IL31RA: variants seen among roughly 807,000 people sequenced by gnomAD.
The protein encoded by IL31RA is interleukin-31 receptor subunit alpha.
Under a neutral mutation model 83.7 loss-of-function variants are expected in IL31RA, and 66 were observed. That is an observed-to-expected ratio of 0.79 (90% confidence interval 0.65 to 0.97). The LOEUF is 0.97. Ranked by LOEUF, IL31RA falls within the 50% of genes least tolerant of loss-of-function variation. The pLI is 0.00. For missense variants in IL31RA, 798 were observed against 919.4 expected (o/e 0.87, Z 1.71); for synonymous variants, 325 against 329.0 (o/e 0.99, Z 0.13).
At chr5:55,886,447 G>A (rs562867719) in intron 5 of IL31RA, among the ~76,000 whole-genome samples, 4 of 151,630 alleles carry the variant, frequency 2.6e-5, no homozygotes, top group Non-Finnish European at 5.9e-5. Flanking sequence ...CTAATTTTTT[G>A]TATTTTTAGT....
intron 1 of IL31RA, among the ~76,000 whole-genome samples, chr5:55,856,397 A>T (rs1745367360): frequency 6.6e-6 from 1 of 152,194 alleles, no homozygotes; most frequent in African/African-American, 2.4e-5. Context: ...AGTTATTCAA[A>T]ACTGCTGCAT....
chr5:55,878,433 G>T (rs1435673995), intron 4 of IL31RA, among the ~76,000 whole-genome samples: 1 of 152,118 alleles, frequency 6.6e-6, no homozygotes, highest in Non-Finnish European at 1.5e-5. Context: ...TTTTGTTGTT[G>T]TTGTTAAAAA....
intron 9 of IL31RA, 75 bp from the exon 10 acceptor site, chr5:55,907,284 C>A: frequency 1.2e-6 from 1 of 848,214 alleles, no homozygotes; most frequent in Non-Finnish European, 2.0e-6. Flanking sequence ...AGTGTTTGGC[C>A]ATAACTCTTA....
rs1014931015 is a variant in IL31RA, at chr5:55,903,993, G to A, written c.1070-2113G>A. Among the ~76,000 whole-genome samples, 3 of 152,196 alleles carry A rather than the reference G, an allele frequency of 2.0e-5. No individual in the cohort carries two copies. The highest frequency in any genetic ancestry group is 2.9e-5 in the Non-Finnish European group (2 of 68,042). On this transcript the variant is annotated intron_variant, in intron 8 of 14. Transcript: ENST00000652347. The surrounding 1 kb of genome is among the most constrained non-coding windows in gnomAD (Gnocchi z 4.7). Reference sequence around the variant, plus strand: ...AGTGGCCCCAGGTATTCCTTGGCTTGTGGTAGCTCCAGTAACTCCCATAAA... The same window carrying A: ...AGTGGCCCCAGGTATTCCTTGGCTTATGGTAGCTCCAGTAACTCCCATAAA...
chr5:55,859,978 T>C (rs569913231), intron 2 of IL31RA, among the ~76,000 whole-genome samples: 1 of 152,286 alleles, frequency 6.6e-6, no homozygotes, highest in African/African-American at 2.4e-5. Context: ...TTCCTTCACA[T>C]ATATACCTAT....
intron 6 of IL31RA, among the ~76,000 whole-genome samples, chr5:55,895,901 T>C (rs1046441522): frequency 1.2e-4 from 18 of 152,332 alleles, no homozygotes; most frequent in Admixed American, 3.3e-4. Context: ...ATTTTTTCTT[T>C]TATTTTATAA....
intron 14 of IL31RA, among the ~76,000 whole-genome samples, chr5:55,915,165 G>A (rs1451209541): frequency 2.0e-5 from 3 of 152,180 alleles, no homozygotes; most frequent in African/African-American, 4.8e-5. Context: ...GACCCAGTGC[G>A]TTCCCAGGTG....
chr5:55,877,157 G>A (rs1394945365), intron 4 of IL31RA, among the ~76,000 whole-genome samples: 1 of 151,898 alleles, frequency 6.6e-6, no homozygotes, highest in Non-Finnish European at 1.5e-5. Flanking sequence ...TTACCATGGG[G>A]ACTACAAATA....
chr5:55,907,354 C>T lies in IL31RA; in HGVS notation c.1253-5C>T, dbSNP rs1284052122. 6.3e-7 allele frequency: 1 copy of T among 1,598,268 alleles called. No individual in the cohort carries two copies. Among genetic ancestry groups the T allele is most frequent in the Non-Finnish European group, 8.6e-7 (1 of 1,165,680 alleles). ...CTTACACTTTTTTTTCTTTCTTTTT[C>T]ACAGATAAATTAAAACCTTTCTGGT... On this transcript the variant is annotated splice_region_variant and splice_polypyrimidine_tract_variant and intron_variant, in intron 9 of 14. Coordinates refer to ENST00000652347, the MANE Select transcript of IL31RA (RefSeq NM_139017.7).
At chr5:55,867,304 C>CGTGT (rs70995742) in intron 2 of IL31RA, among the ~76,000 whole-genome samples, 73,722 of 117,022 alleles carry the variant, frequency 0.63, 21,298 homozygotes, top group Middle Eastern at 0.72. Flanking sequence ...TGTGTGTGTG[C>CGTGT]GTGTGTGTGT....
chr5:55,907,894 T>C (rs958348301), intron 10 of IL31RA, among the ~76,000 whole-genome samples: 8 of 152,370 alleles, frequency 5.3e-5, no homozygotes, highest in Admixed American at 4.6e-4. Flanking sequence ...TTTTGGAAGT[T>C]CATGTCTTCC....
At chr5:55,851,798 T>C (rs1745087304) in intron 1 of IL31RA, among the ~76,000 whole-genome samples, 165 bp downstream of exon 1, 1 of 152,236 alleles carries the variant, frequency 6.6e-6, no homozygotes, top group South Asian at 2.1e-4. Flanking sequence ...TTGGCAACCT[T>C]ATTAGGCATT....
At chr5:55,842,077 G>C in the IL31RA span, among the ~76,000 whole-genome samples, 2 of 152,086 alleles carry the variant, frequency 1.3e-5, no homozygotes, top group African/African-American at 4.8e-5. Flanking sequence ...ACTGCCCCTG[G>C]TCTTATTTCA....
intron 2 of IL31RA, among the ~76,000 whole-genome samples, chr5:55,860,069 A>C (rs1157557702): frequency 6.6e-6 from 1 of 152,158 alleles, no homozygotes; most frequent in African/African-American, 2.4e-5. Flanking sequence ...ACAATTTACT[A>C]TAATAAAAGT....
rs1296360259 is a variant in IL31RA, at chr5:55,890,522, A to G, written c.772+387A>G. On this transcript the variant is annotated intron_variant, in intron 6 of 14. Transcript: ENST00000652347. ...GTAGCTGGGATTACAGGGGCCCACGACCATGCCCGGTTGATTTTTGTATTT... is the reference window on the plus strand; with the variant it reads ...GTAGCTGGGATTACAGGGGCCCACGGCCATGCCCGGTTGATTTTTGTATTT... 2.0e-5 allele frequency among the ~76,000 whole-genome samples: 3 copies of G among 152,116 alleles called. No individual in the cohort carries two copies. In the East Asian group the frequency reaches 5.8e-4, roughly 29 times the overall value.
Position 55,905,466 on chromosome 5 carries a change from A to T in IL31RA, c.1070-640A>T, listed in dbSNP as rs188433062. On this transcript the variant is annotated intron_variant, in intron 8 of 14. Transcript: ENST00000652347. ...TTCCAGATGTTGGATTGCAAGCCAC[A>T]CACTCAACTTTTCTATTAAATAAAT... Among the ~76,000 whole-genome samples, 7 of 152,338 alleles carry T rather than the reference A, an allele frequency of 4.6e-5. No individual in the cohort carries two copies. The East Asian group carries it at 1.3e-3, about 29-fold the overall frequency.
Position 55,851,610 on chromosome 5 carries a change from G to A in IL31RA, c.40G>A (p.Val14Ile). Residue 14 changes from valine (V) to isoleucine (I), a missense_variant, in exon 1 of 15, where the codon GTC becomes ATC. Coordinates refer to ENST00000652347, the MANE Select transcript of IL31RA (RefSeq NM_139017.7). The part of the protein sequence containing the change: ...RQLKFFTTAC[V>I]CECPQNILSP... ...ACTCAAGTTTTTCACCACGGCATGT[G>A]TCTGTGAATGTCCGCAAAACATTGT... 2 of 1,613,912 alleles carry A rather than the reference G, an allele frequency of 1.2e-6. No individual in the cohort carries two copies. Among genetic ancestry groups the A allele is most frequent in the Non-Finnish European group, 1.7e-6 (2 of 1,179,858 alleles).
At chr5:55,907,310 C>A (rs72763884) in intron 9 of IL31RA, 49 bp from the exon 10 acceptor site, 62,621 of 1,083,154 alleles carry the variant, frequency 0.058, 2,084 homozygotes, top group Middle Eastern at 0.073. Context: ...GTATTCCCCC[C>A]ACTCTGCCGT....
chr5:55,864,958 T>C (rs1745953620), intron 2 of IL31RA, among the ~76,000 whole-genome samples: 1 of 152,080 alleles, frequency 6.6e-6, no homozygotes, highest in African/African-American at 2.4e-5. Context: ...CTCTGAGCCA[T>C]GGAGACAGGG....
Sources: allele counts gnomAD v4.1 joint callset (sites outside exome capture counted in the v4.1 genomes callset), GRCh38; gene constraint gnomAD v4.1.1; non-coding constraint Gnocchi (gnomAD v3.1); transcripts MANE v1.5; gene names NCBI Gene and HGNC (gene_info 2026-07-23, HGNC 2026-07-21).